Variants in KIF26A observed in about 807,000 individuals in gnomAD.
KIF26A encodes the protein kinesin-like protein KIF26A.
KIF26A carries 74 observed loss-of-function variants against 126.0 expected under a neutral mutation model. That is an observed-to-expected ratio of 0.59 (90% CI 0.49 to 0.71). The LOEUF (loss-of-function observed/expected upper bound fraction) is 0.71, where lower values mean the gene tolerates loss of function less well. Ranked by LOEUF, KIF26A falls within the 30% of genes least tolerant of loss-of-function variation. KIF26A has a pLI of 0.00. For missense variants in KIF26A, 2,984 were observed against 2,763.3 expected, an observed-to-expected ratio of 1.08 and a Z score of -1.79; for synonymous variants, 1,445 against 1,232.7, an observed-to-expected ratio of 1.17 and a Z score of -3.61.
At position 104,171,760 on chromosome 14, in the gene KIF26A, C is replaced by T. The variant is rs1301422621; in HGVS notation, c.1151C>T (p.Ala384Val). The T allele has an allele frequency of 1.9e-6, 3 of 1,580,666 alleles. 1 individual carries two copies. Among genetic ancestry groups the T allele is most frequent in the South Asian group, 2.3e-5 (2 of 86,262 alleles). ...CTGCGGATCTGGCCCGCACAGGGGG[C>T]CCAGCGCTCGGCCGAGGCCATGTCC... ...VMLRIWPAQG[A>V]QRSAEAMSFL... is the part of the protein sequence containing the mutation. Residue 384 changes from alanine (A) to valine (V), a missense_variant, in exon 6 of 15, where the codon GCC becomes GTC. Coordinates refer to ENST00000423312, the MANE Select transcript of KIF26A (RefSeq NM_015656.2).
chr14:104,155,525 C>T (rs1371488764), intron 3 of KIF26A, among the ~76,000 whole-genome samples: 2 of 152,156 alleles, frequency 1.3e-5, no homozygotes, highest in Non-Finnish European at 2.9e-5. Flanking sequence ...CATGCTCTGT[C>T]TGGCCGCCCG....
chr14:104,173,496 A>T lies in KIF26A; in HGVS notation c.1850A>T (p.Lys617Met). ...TLHVYQYRME[K>M]CGRGGMSGGR... ...CACGTCTACCAGTACCGCATGGAGA[A>T]GTGCGGCCGGGGAGGAAGTAGGTGC... Residue 617 changes from lysine (K) to methionine (M), a missense_variant, in exon 9 of 15, where the codon AAG (lysine) becomes ATG (methionine). Transcript: ENST00000423312. 6.4e-7 allele frequency: 1 copy of T among 1,567,356 alleles called. No homozygotes were observed. Among genetic ancestry groups the T allele is most frequent in the Non-Finnish European group, 8.7e-7 (1 of 1,152,432 alleles).
chr14:104,156,645 T>G (rs939905714), intron 3 of KIF26A, among the ~76,000 whole-genome samples: 1 of 152,018 alleles, frequency 6.6e-6, no homozygotes, highest in Non-Finnish European at 1.5e-5. Flanking sequence ...GGGTGAGCCC[T>G]CCATGGTGGT....
chr14:104,165,898 C>G (rs957237840), intron 4 of KIF26A, among the ~76,000 whole-genome samples: 1 of 147,792 alleles, frequency 6.8e-6, no homozygotes, highest in Non-Finnish European at 1.5e-5. Flanking sequence ...TGGGAGTCCA[C>G]CCCAGTGGCT....
At chr14:104,156,309 G>A (rs1262355597) in intron 3 of KIF26A, among the ~76,000 whole-genome samples, 1 of 152,232 alleles carries the variant, frequency 6.6e-6, no homozygotes, top group Admixed American at 6.5e-5. Context: ...GAGAAGGAGA[G>A]GGCTGGCCGG....
Position 104,177,638 on chromosome 14 carries a change from C to T in KIF26A, c.4850C>T (p.Thr1617Ile). 1 of 1,526,070 alleles carries T rather than the reference C, an allele frequency of 6.6e-7. No homozygotes were observed. The highest frequency in any genetic ancestry group is 8.8e-7 in the Non-Finnish European group (1 of 1,141,082). 94.5% of individuals were successfully genotyped at this position (1,526,070 alleles called of 1,614,324 possible). Residue 1617 changes from threonine to isoleucine, a missense_variant, in exon 12 of 15, where the codon ACC (threonine) becomes ATC (isoleucine). Transcript: ENST00000423312. ...CTGCCCTCCCCCTACAGCAAGGTGA[C>T]CGCCCCACGGCGGCCCCAGCGCTAC... is the stretch of plus-strand genomic sequence containing the variant. ...PALPSPYSKV[T>I]APRRPQRYSS... is the part of the protein sequence containing the mutation.
chr14:104,169,491 TC>T (rs2037937527), intron 5 of KIF26A, among the ~76,000 whole-genome samples: 1 of 152,092 alleles, frequency 6.6e-6, no homozygotes, highest in South Asian at 2.1e-4. Flanking sequence ...GCTCAGTGCT[TC>T]CCCAGCAACA....
chr14:104,153,288 G>T (rs960258150), intron 3 of KIF26A, among the ~76,000 whole-genome samples: 3 of 152,126 alleles, frequency 2.0e-5, no homozygotes, highest in Non-Finnish European at 4.4e-5. Flanking sequence ...AGGCTGCTGG[G>T]CTGCCCTAGG....
chr14:104,177,253 G>A lies in KIF26A; in HGVS notation c.4465G>A (p.Gly1489Arg). ...TAGGAGCGGCGCAGCCAAGGCTGTG[G>A]GGGCCCCCAAGCCCCCTGTTGGTGG... ...ACRSGAAKAV[G>R]APKPPVGGGK... The change falls in exon 12 of 15, where the codon GGG (glycine) becomes AGG (arginine). Residue 1489 changes from glycine (G) to arginine (R), a missense_variant. Physicochemically the swap from Gly to Arg is moderately radical, Grantham distance 125 (BLOSUM62 -2). Coordinates refer to ENST00000423312, the MANE Select transcript of KIF26A (RefSeq NM_015656.2). 1.3e-6 allele frequency: 2 copies of A among 1,596,586 alleles called. No homozygotes were observed. The highest frequency in any genetic ancestry group is 1.7e-6 in the Non-Finnish European group (2 of 1,175,148).
intron 4 of KIF26A, among the ~76,000 whole-genome samples, chr14:104,158,231 G>T (rs767872572): frequency 6.6e-6 from 1 of 152,250 alleles, no homozygotes; most frequent in Non-Finnish European, 1.5e-5. Flanking sequence ...TGCCTCTTCT[G>T]AGCTGTGCAA....
rs1477680802 is a variant in KIF26A, at chr14:104,171,948, G to A, written c.1326+13G>A. On this transcript the variant is annotated intron_variant, in intron 6 of 14. Coordinates refer to ENST00000423312, the MANE Select transcript of KIF26A (RefSeq NM_015656.2). ...GGACTCCGAGCAGGTACGGGCAGGC[G>A]GACTGGGCGTCCTCCCGGAGACCCG... 11 of 1,547,622 alleles carry A rather than the reference G, an allele frequency of 7.1e-6. No individual in the cohort carries two copies. The highest frequency in any genetic ancestry group is 9.6e-6 in the Non-Finnish European group (11 of 1,146,056).
intron 11 of KIF26A, 80 bp downstream of exon 11, chr14:104,174,390 GGGGT>G: frequency 7.3e-7 from 1 of 1,363,074 alleles, no homozygotes; most frequent in African/African-American, 1.5e-5. Context: ...TGGCCTGGTT[GGGGT>G]GGGGGTCAGC....
chr14:104,170,551 C>T (rs1053113149), intron 5 of KIF26A, among the ~76,000 whole-genome samples: 14 of 152,218 alleles, frequency 9.2e-5, no homozygotes, highest in African/African-American at 1.2e-4. Context: ...AAATGAGTCT[C>T]GGGTAATTTG....
In KIF26A at chr14:104,174,229, T is replaced by C; in HGVS notation, c.2112T>C (p.Asp704=). ...CRTTMIAHVS[D]APAQHAETLS... The stretch of plus-strand genomic sequence containing the variant: ...CCACCATGATCGCCCACGTGTCGGA[T>C]GCGCCAGCCCAGCACGCAGAGACAC... The change falls in exon 11 of 15, where the codon GAT becomes GAC. Residue 704 remains aspartate (D), a synonymous_variant. Coordinates refer to ENST00000423312, the MANE Select transcript of KIF26A (RefSeq NM_015656.2). 1 of 1,580,826 alleles carries C rather than the reference T, an allele frequency of 6.3e-7. No individual in the cohort carries two copies. Among genetic ancestry groups the C allele is most frequent in the Non-Finnish European group, 8.6e-7 (1 of 1,164,892 alleles).
At chr14:104,155,165 C>T (rs749609973) in intron 3 of KIF26A, among the ~76,000 whole-genome samples, 2 of 152,192 alleles carry the variant, frequency 1.3e-5, no homozygotes, top group Non-Finnish European at 2.9e-5. Flanking sequence ...CTCAGCCCCT[C>T]CTCCTCCCTT....
Position 104,171,795 on chromosome 14 carries a change from G to A in KIF26A, c.1186G>A (p.Val396Met). ...GGCCGAGGCCATGTCCTTCCTGAAG[G>A]TGGACCCTCGGAAGAAGCAGGTGAT... ...RSAEAMSFLK[V>M]DPRKKQVILY... The change falls in exon 6 of 15, where the codon GTG becomes ATG. Residue 396 changes from valine to methionine, a missense_variant. By Grantham distance (21) the Val-to-Met change is conservative. Transcript: ENST00000423312. 1 of 1,572,644 alleles carries A rather than the reference G, an allele frequency of 6.4e-7. No homozygotes were observed.
At chr14:104,178,984 G>A (rs1353338763) in intron 13 of KIF26A, among the ~76,000 whole-genome samples, 7 of 152,190 alleles carry the variant, frequency 4.6e-5, no homozygotes, top group South Asian at 2.1e-4. Flanking sequence ...GGGTGGCTGG[G>A]GGGTCCTGAG....
Position 104,173,502 on chromosome 14 carries a change from G to T in KIF26A, c.1856G>T (p.Gly619Val), listed in dbSNP as rs1221376564. The T allele has an allele frequency of 3.8e-6, 6 of 1,562,638 alleles. No homozygotes were observed. The highest frequency in any genetic ancestry group is 5.2e-6 in the Non-Finnish European group (6 of 1,150,192). ...HVYQYRMEKCGRGGMSGGRSR... is the reference protein window; with the variant it reads ...HVYQYRMEKCVRGGMSGGRSR... ...TACCAGTACCGCATGGAGAAGTGCG[G>T]CCGGGGAGGAAGTAGGTGCCACACC... Residue 619 changes from glycine (G) to valine (V), a missense_variant, in exon 9 of 15, where the codon GGC (glycine) becomes GTC (valine). Gly to Val is a moderately radical substitution (Grantham distance 109). Transcript: ENST00000423312.
chr14:104,151,937 T>C lies in KIF26A; in HGVS notation c.289-78T>C. On this transcript the variant is annotated intron_variant, in intron 2 of 14. Transcript: ENST00000423312. The surrounding 1 kb of genome is among the most constrained non-coding windows in gnomAD (Gnocchi z 4.9). ...CGGGAGCTCGCAGCGTCATGGACGG[T>C]GAGAGTGCTGGTGGGCTCTGGGTGC... 1 of 1,298,574 alleles carries C rather than the reference T, an allele frequency of 7.7e-7. No individual in the cohort carries two copies. The highest frequency in any genetic ancestry group is 2.3e-5 in the East Asian group (1 of 43,130). The allele number at this position is 1,298,574 out of a possible 1,614,324, so 80.4% of individuals were successfully genotyped here. A position where few individuals can be genotyped will look rare whatever the true frequency, so the allele number is the denominator to read the frequency against.
Sources: allele counts gnomAD v4.1 joint callset (sites outside exome capture counted in the v4.1 genomes callset), GRCh38; gene constraint gnomAD v4.1.1; non-coding constraint Gnocchi (gnomAD v3.1); transcripts MANE v1.5; gene names NCBI Gene and HGNC (gene_info 2026-07-23, HGNC 2026-07-21).